The following SCFD2 variants were observed in gnomAD, a reference collection of about 807,000 sequenced individuals.
SCFD2 encodes sec1 family domain containing 2.
Under a neutral mutation model 58.9 loss-of-function variants are expected in SCFD2, and 54 were observed. That is an observed-to-expected ratio of 0.92 (90% CI 0.74 to 1.15). The LOEUF (loss-of-function observed/expected upper bound fraction) is 1.15, where lower values mean the gene tolerates loss of function less well. SCFD2 is among the 50% of genes most tolerant of loss of function. The probability of loss-of-function intolerance (pLI) is 0.00; values close to 1 mark genes in which losing one functional copy is unlikely to be tolerated. For missense variants in SCFD2, 805 were observed against 836.6 expected, an observed-to-expected ratio of 0.96 and a Z score of 0.47; for synonymous variants, 321 against 335.9, an observed-to-expected ratio of 0.96 and a Z score of 0.49.
At chr4:53,203,352 A>G (rs1354182690) in intron 4 of SCFD2, among the ~76,000 whole-genome samples, 1 of 152,048 alleles carries the variant, frequency 6.6e-6, no homozygotes, top group African/African-American at 2.4e-5. Context: ...AGAAGGCATA[A>G]TCAGATTTTT....
chr4:53,339,958 T>C (rs569981044), intron 2 of SCFD2, among the ~76,000 whole-genome samples: 1 of 152,170 alleles, frequency 6.6e-6, no homozygotes, highest in African/African-American at 2.4e-5. Flanking sequence ...GATCTAAATA[T>C]AACAAGCAAA....
chr4:53,361,364 G>A (rs1426192528), intron 1 of SCFD2, among the ~76,000 whole-genome samples: 2 of 152,140 alleles, frequency 1.3e-5, no homozygotes, highest in East Asian at 1.9e-4. Flanking sequence ...AATTTGTTGA[G>A]ATCAAATAAG....
At chr4:53,167,402 A>G (rs1224136071) in intron 4 of SCFD2, among the ~76,000 whole-genome samples, 3 of 152,214 alleles carry the variant, frequency 2.0e-5, no homozygotes, top group Non-Finnish European at 4.4e-5. Flanking sequence ...GAAGGTTATA[A>G]TCTTGTGGTA....
At chr4:53,127,611 G>A (rs1725665024) in intron 5 of SCFD2, among the ~76,000 whole-genome samples, 1 of 152,200 alleles carries the variant, frequency 6.6e-6, no homozygotes, top group Non-Finnish European at 1.5e-5. Context: ...CTGATCTCAG[G>A]AGTTGTCTGA....
At chr4:52,907,205 T>C (rs1438448964) in intron 7 of SCFD2, among the ~76,000 whole-genome samples, 1 of 152,228 alleles carries the variant, frequency 6.6e-6, no homozygotes, top group Non-Finnish European at 1.5e-5. Context: ...CCCAGAGAGA[T>C]TGTGTCCTCC....
intron 3 of SCFD2, among the ~76,000 whole-genome samples, chr4:53,301,182 A>G (rs895574871): frequency 8.5e-5 from 13 of 152,198 alleles, no homozygotes; most frequent in Non-Finnish European, 1.6e-4. Flanking sequence ...GAAAAGATCA[A>G]CAAAATTGAT....
chr4:53,275,385 A>C (rs1731297765), intron 3 of SCFD2, among the ~76,000 whole-genome samples: 1 of 152,190 alleles, frequency 6.6e-6, no homozygotes, highest in African/African-American at 2.4e-5. Flanking sequence ...GGTGAGTCTC[A>C]TGAGTTTCTT....
At chr4:53,206,007 A>G (rs1022336376) in intron 4 of SCFD2, among the ~76,000 whole-genome samples, 1 of 152,192 alleles carries the variant, frequency 6.6e-6, no homozygotes, top group African/African-American at 2.4e-5. Context: ...TTGCCTGGGC[A>G]TTATCAGTAC....
chr4:53,348,285 C>T (rs72498838), intron 2 of SCFD2, among the ~76,000 whole-genome samples: 16,070 of 152,214 alleles, frequency 0.11, 952 homozygotes, highest in East Asian at 0.22. Flanking sequence ...AAGCTTACTG[C>T]TTTTTAAAGA....
At chr4:53,142,848 A>ATG (rs1215208015) in intron 5 of SCFD2, among the ~76,000 whole-genome samples, 2 of 152,086 alleles carry the variant, frequency 1.3e-5, no homozygotes, top group Non-Finnish European at 2.9e-5. Context: ...GGCTGAAAAA[A>ATG]TGTGTGTGTG....
intron 5 of SCFD2, among the ~76,000 whole-genome samples, chr4:52,952,871 ACCATTC>A (rs1720633439): frequency 6.6e-6 from 1 of 152,212 alleles, no homozygotes; most frequent in Non-Finnish European, 1.5e-5. Flanking sequence ...ATGTGACTGA[ACCATTC>A]CCTGGGAAAG....
At chr4:53,005,670 G>A (rs1355935367) in intron 5 of SCFD2, among the ~76,000 whole-genome samples, 2 of 152,112 alleles carry the variant, frequency 1.3e-5, no homozygotes, top group African/African-American at 2.4e-5. Context: ...GAAGGGTCAA[G>A]CTATAATAAG....
chr4:53,318,792 T>C (rs1181587533), intron 2 of SCFD2, among the ~76,000 whole-genome samples: 1 of 152,114 alleles, frequency 6.6e-6, no homozygotes, highest in Non-Finnish European at 1.5e-5. Flanking sequence ...AAATACAATG[T>C]TAAATATAGT....
intron 5 of SCFD2, among the ~76,000 whole-genome samples, chr4:52,958,903 C>A (rs1720776442): frequency 6.6e-6 from 1 of 152,108 alleles, no homozygotes; most frequent in Non-Finnish European, 1.5e-5. Context: ...TAAATATTAA[C>A]CTGAACTCAT....
chr4:52,910,546 T>A (rs552848928), intron 6 of SCFD2, among the ~76,000 whole-genome samples: 2 of 152,324 alleles, frequency 1.3e-5, no homozygotes, highest in South Asian at 4.1e-4. Flanking sequence ...TAAAAGGACA[T>A]TTCCTCCTTC....
At chr4:53,012,985 A>G (rs10012324) in intron 5 of SCFD2, among the ~76,000 whole-genome samples, 54,920 of 151,784 alleles carry the variant, frequency 0.36, 10,105 homozygotes, top group South Asian at 0.49. Context: ...GCTAGACTGA[A>G]CTCCACCACA....
In SCFD2 at chr4:53,247,655, C is replaced by T. The variant is rs571055616; in HGVS notation, c.1311+26171G>A. ...CGGGTGGATCATGAGGTCAGGAGAT[C>T]GAGACCATCCTGGCTAACAAGGTGA... is the stretch of plus-strand genomic sequence containing the variant. On this transcript the variant is annotated intron_variant, in intron 4 of 8. Coordinates refer to ENST00000401642, the MANE Select transcript of SCFD2 (RefSeq NM_152540.4). Among the ~76,000 whole-genome samples, 12 of 150,726 alleles carry T rather than the reference C, an allele frequency of 8.0e-5. No individual in the cohort carries two copies. The East Asian group carries it at 1.2e-3, about 15-fold the overall frequency.
intron 5 of SCFD2, among the ~76,000 whole-genome samples, chr4:53,067,828 G>C (rs1004098203): frequency 6.6e-6 from 1 of 152,080 alleles, no homozygotes; most frequent in Non-Finnish European, 1.5e-5. Flanking sequence ...TCTGAGAACA[G>C]AGGTTATAAC....
chr4:53,285,522 A>T (rs1731638383), intron 3 of SCFD2, among the ~76,000 whole-genome samples: 1 of 152,076 alleles, frequency 6.6e-6, no homozygotes, highest in Non-Finnish European at 1.5e-5. Context: ...AAGACTGATA[A>T]GAAAGATGGC....
Sources: gnomAD v4.1 joint callset for allele counts (sites outside exome capture counted in the v4.1 genomes callset) on GRCh38, gnomAD v4.1.1 for gene constraint, MANE v1.5 for transcripts, NCBI Gene and HGNC (gene_info 2026-07-23, HGNC 2026-07-21) for gene names.